TMEM178B: variants seen among roughly 807,000 people sequenced by gnomAD.
The protein encoded by TMEM178B is transmembrane protein 178B.
Under a neutral mutation model 31.0 loss-of-function variants are expected in TMEM178B, and 5 were observed. The ratio of observed to expected loss-of-function variants is 0.16; its 90% CI spans 0.08 to 0.34. TMEM178B has a LOEUF of 0.34. TMEM178B is among the 10% of genes least tolerant of loss of function. The pLI is 1.00. For missense variants in TMEM178B, 275 were observed against 400.3 expected, an observed-to-expected ratio of 0.69 and a Z score of 2.67; for synonymous variants, 164 against 164.0, an observed-to-expected ratio of 1.00 and a Z score of 0.00.
At chr7:141,135,415 G>C (rs1161999923) in intron 1 of TMEM178B, among the ~76,000 whole-genome samples, 1 of 152,174 alleles carries the variant, frequency 6.6e-6, no homozygotes, top group Non-Finnish European at 1.5e-5. Context: ...TTATCCAATA[G>C]CTGCTGAATA....
At chr7:141,484,854 C>A (rs751005724), downstream of TMEM178B, among the ~76,000 whole-genome samples, 1 of 151,812 alleles carries the variant, frequency 6.6e-6, no homozygotes, top group African/African-American at 2.4e-5. The surrounding 1 kb of genome is among the most constrained non-coding windows in gnomAD (Gnocchi z 4.8). Flanking sequence ...GAGCCGGGCT[C>A]AGCTGCTAGT....
chr7:141,366,931 TC>T (rs1011934113), intron 2 of TMEM178B, among the ~76,000 whole-genome samples: 1 of 152,122 alleles, frequency 6.6e-6, no homozygotes, highest in African/African-American at 2.4e-5. Context: ...CTATTCAATC[TC>T]CTGGCTCCCT....
chr7:141,229,951 T>C (rs916316647), intron 2 of TMEM178B, among the ~76,000 whole-genome samples: 4 of 152,240 alleles, frequency 2.6e-5, no homozygotes, highest in Admixed American at 1.3e-4. Context: ...GTATTTCTTT[T>C]CATGGCATAA....
intron 1 of TMEM178B, among the ~76,000 whole-genome samples, chr7:141,089,229 A>C (rs144749850): frequency 6.2e-4 from 94 of 152,294 alleles, no homozygotes; most frequent in Admixed American, 1.6e-3. Flanking sequence ...GTATTTGGGG[A>C]TGAGGGGACA....
chr7:141,341,100 C>A (rs568990858), intron 2 of TMEM178B, among the ~76,000 whole-genome samples: 1 of 152,300 alleles, frequency 6.6e-6, no homozygotes, highest in African/African-American at 2.4e-5. Context: ...CATCTTCTAC[C>A]TTCTTCCTCA....
At chr7:141,088,060 G>A (rs901184981) in intron 1 of TMEM178B, among the ~76,000 whole-genome samples, 2 of 152,108 alleles carry the variant, frequency 1.3e-5, no homozygotes, top group African/African-American at 4.8e-5. Flanking sequence ...TCCCAGGTGG[G>A]TGTTCTGCTT....
At chr7:141,280,999 T>C (rs991547867) in intron 2 of TMEM178B, among the ~76,000 whole-genome samples, 2 of 152,178 alleles carry the variant, frequency 1.3e-5, no homozygotes, top group African/African-American at 4.8e-5. Context: ...TTTTGCAAGG[T>C]GAAGCACAAT....
chr7:141,088,028 C>T (rs1356955916), intron 1 of TMEM178B, among the ~76,000 whole-genome samples: 4 of 152,110 alleles, frequency 2.6e-5, no homozygotes, highest in Non-Finnish European at 4.4e-5. Flanking sequence ...AGATGCAGCC[C>T]TGGACAGGCC....
At chr7:141,190,562 C>T (rs916290794) in intron 1 of TMEM178B, among the ~76,000 whole-genome samples, 1 of 152,088 alleles carries the variant, frequency 6.6e-6, no homozygotes, top group Non-Finnish European at 1.5e-5. Flanking sequence ...CCTCCCACCT[C>T]GGCCTCTCAA....
intron 2 of TMEM178B, among the ~76,000 whole-genome samples, chr7:141,259,390 A>G (rs976929772): frequency 1.3e-5 from 2 of 152,208 alleles, no homozygotes; most frequent in Non-Finnish European, 2.9e-5. Flanking sequence ...GAGCATATTT[A>G]TAATAGTTAC....
At chr7:141,382,617 CT>C (rs1800338718) in intron 2 of TMEM178B, among the ~76,000 whole-genome samples, 1 of 152,158 alleles carries the variant, frequency 6.6e-6, no homozygotes, top group Non-Finnish European at 1.5e-5. Flanking sequence ...TTTCTAAGAC[CT>C]CTTCTCATCT....
chr7:141,191,470 G>A (rs1356848910), intron 1 of TMEM178B, among the ~76,000 whole-genome samples: 3 of 152,118 alleles, frequency 2.0e-5, no homozygotes, highest in Non-Finnish European at 2.9e-5. Flanking sequence ...ACACTCCAAC[G>A]GCCACTCACG....
intron 2 of TMEM178B, chr7:141,352,544 A>C (rs1470012974): frequency 1.3e-5 from 2 of 152,014 alleles, no homozygotes; most frequent in Non-Finnish European, 2.9e-5. Flanking sequence ...ACGCCCCACT[A>C]ATTTTTTTTG....
chr7:141,123,508 TTA>T (rs1387749443), intron 1 of TMEM178B, among the ~76,000 whole-genome samples: 2 of 152,222 alleles, frequency 1.3e-5, no homozygotes, highest in African/African-American at 4.8e-5. Context: ...ATGGCAGCTG[TTA>T]GTGGCTGTGC....
At chr7:141,446,833 C>A (rs1801768765) in intron 3 of TMEM178B, among the ~76,000 whole-genome samples, 1 of 152,076 alleles carries the variant, frequency 6.6e-6, no homozygotes, top group Non-Finnish European at 1.5e-5. Context: ...TGGCATTGTG[C>A]TGAATACCTT....
chr7:141,360,947 A>C (rs928910722), intron 2 of TMEM178B, among the ~76,000 whole-genome samples: 1 of 152,186 alleles, frequency 6.6e-6, no homozygotes, highest in Non-Finnish European at 1.5e-5. Flanking sequence ...CTGTAAGACC[A>C]GTCAGCAAAG....
intron 2 of TMEM178B, among the ~76,000 whole-genome samples, chr7:141,232,866 A>C (rs1413121815): frequency 1.3e-5 from 2 of 152,126 alleles, no homozygotes; most frequent in African/African-American, 4.8e-5. Flanking sequence ...TCATGCCCCA[A>C]ACTCAGGAAG....
chr7:141,368,320 A>G (rs1162895306), intron 2 of TMEM178B, among the ~76,000 whole-genome samples: 1 of 152,224 alleles, frequency 6.6e-6, no homozygotes, highest in Non-Finnish European at 1.5e-5. Context: ...CTCTGCTTCA[A>G]AAAGGAAAAA....
At chr7:141,227,715 G>T (rs1255194196) in intron 2 of TMEM178B, among the ~76,000 whole-genome samples, 1 of 152,172 alleles carries the variant, frequency 6.6e-6, no homozygotes, top group East Asian at 1.9e-4. Context: ...ACTCTCAGCA[G>T]GGGATATGAA....
Sources: allele counts gnomAD v4.1 joint callset (sites outside exome capture counted in the v4.1 genomes callset), GRCh38; gene constraint gnomAD v4.1.1; non-coding constraint Gnocchi (gnomAD v3.1); transcripts MANE v1.5; gene names NCBI Gene and HGNC (gene_info 2026-07-23, HGNC 2026-07-21).